The following LCP1 variants were observed in gnomAD, a reference collection of about 807,000 sequenced individuals.
LCP1 encodes the protein lymphocyte cytosolic protein 1.
LCP1 carries 23 observed loss-of-function variants against 72.0 expected under a neutral mutation model. That is an observed-to-expected ratio of 0.32 (90% CI 0.23 to 0.45). The LOEUF (loss-of-function observed/expected upper bound fraction) is 0.45. Ranked by LOEUF, LCP1 falls within the 20% of genes least tolerant of loss-of-function variation. The pLI, the probability that LCP1 is intolerant of heterozygous loss-of-function variation, is 1.00. For synonymous variants in LCP1, 245 were observed against 275.4 expected, an observed-to-expected ratio of 0.89 and a Z score of 1.09; for missense variants, 571 against 748.3, an observed-to-expected ratio of 0.76 and a Z score of 2.76.
At chr13:46,174,093 A>C (rs763574028) in intron 1 of LCP1, among the ~76,000 whole-genome samples, 1 of 152,328 alleles carries the variant, frequency 6.6e-6, no homozygotes, top group East Asian at 1.9e-4. Flanking sequence ...GAGCTGAAAA[A>C]CAGTGAGACA....
chr13:46,150,787 C>T (rs1221227891), intron 8 of LCP1, 149 bp downstream of exon 8: 1 of 825,582 alleles, frequency 1.2e-6, no homozygotes, highest in Non-Finnish European at 1.9e-6. Context: ...CAGATGGGCT[C>T]TCAAGGACAG....
In LCP1 at chr13:46,153,741, C is replaced by T. The variant is rs144226199; in HGVS notation, c.574-796G>A. ...AGAAAACGAAAATGAAAAATAGATA[C>T]GATTAAAATTCCTGGAAAAGATGGA... is the stretch of plus-strand genomic sequence containing the variant. On this transcript the variant is annotated intron_variant, in intron 6 of 15. Coordinates refer to ENST00000323076, the MANE Select transcript of LCP1 (RefSeq NM_002298.5). Among the ~76,000 whole-genome samples, 351 of 150,640 alleles carry T rather than the reference C, an allele frequency of 2.3e-3. 1 individual carries two copies. Among genetic ancestry groups the T allele is most frequent in the African/African-American group, 8.3e-3 (341 of 41,118 alleles).
chr13:46,172,467 G>A (rs1162464669), intron 1 of LCP1, among the ~76,000 whole-genome samples: 2 of 152,138 alleles, frequency 1.3e-5, no homozygotes, highest in Admixed American at 6.5e-5. Context: ...CTGGGCCACA[G>A]AGCAAGGCTC....
chr13:46,142,151 A>G (rs1346150914), intron 13 of LCP1, 141 bp downstream of exon 13: 1 of 823,094 alleles, frequency 1.2e-6, no homozygotes. Flanking sequence ...AAAAGCAGAA[A>G]GGTAAAAAGT....
chr13:46,136,413 G>T (rs1386830384), intron 13 of LCP1, among the ~76,000 whole-genome samples: 1 of 152,190 alleles, frequency 6.6e-6, no homozygotes, highest in Non-Finnish European at 1.5e-5. Flanking sequence ...TCAGAGGTTA[G>T]CAGACTGCCT....
At chr13:46,156,697 T>C (rs2045803446) in intron 4 of LCP1, 127 bp from the exon 5 acceptor site, 2 of 997,308 alleles carry the variant, frequency 2.0e-6, no homozygotes, top group South Asian at 2.8e-5. Context: ...CATTATCTTA[T>C]CATCTCATAT....
intron 8 of LCP1, among the ~76,000 whole-genome samples, chr13:46,149,278 C>T (rs1466956044): frequency 6.6e-6 from 1 of 152,132 alleles, no homozygotes; most frequent in African/African-American, 2.4e-5. Context: ...GAGGTATGCT[C>T]ACCACTTTTG....
chr13:46,141,421 A>G (rs1161183906), intron 13 of LCP1, among the ~76,000 whole-genome samples: 4 of 150,810 alleles, frequency 2.7e-5, no homozygotes, highest in Non-Finnish European at 4.4e-5. Flanking sequence ...AAAAAAAAAA[A>G]AAAAAGAAAC....
chr13:46,152,663 C>A, intron 7 of LCP1, 117 bp downstream of exon 7: 1 of 991,502 alleles, frequency 1.0e-6, no homozygotes, highest in Non-Finnish European at 1.5e-6. Flanking sequence ...ACCATGGAAT[C>A]AATATAACTG....
intron 12 of LCP1, 29 bp downstream of exon 12, chr13:46,143,261 C>A (rs2045708993): frequency 1.3e-6 from 2 of 1,519,408 alleles, no homozygotes; most frequent in South Asian, 2.2e-5. Flanking sequence ...TTGCCTGTCT[C>A]CTGGAACAAC....
intron 1 of LCP1, among the ~76,000 whole-genome samples, chr13:46,172,264 A>C (rs2138281552): frequency 6.6e-6 from 1 of 152,264 alleles, no homozygotes; most frequent in Admixed American, 6.5e-5. Flanking sequence ...TGGGTGGATC[A>C]CCTGAGGTCA....
At chr13:46,149,740 G>A (rs1033731923) in intron 8 of LCP1, among the ~76,000 whole-genome samples, 1 of 152,124 alleles carries the variant, frequency 6.6e-6, no homozygotes. Flanking sequence ...ACAAAATGGT[G>A]GTTCTAGAGA....
At chr13:46,164,167 G>T (rs187620569) in intron 1 of LCP1, among the ~76,000 whole-genome samples, 116 of 152,306 alleles carry the variant, frequency 7.6e-4, no homozygotes, top group African/African-American at 2.7e-3. Flanking sequence ...CTTGACACAA[G>T]AATGTTAGAT....
chr13:46,165,506 C>T (rs887257607), intron 1 of LCP1, among the ~76,000 whole-genome samples: 1 of 152,138 alleles, frequency 6.6e-6, no homozygotes, highest in Admixed American at 6.5e-5. Context: ...TTGCAAATTA[C>T]TGGCACCATA....
chr13:46,156,575 A>C lies in LCP1; in HGVS notation c.359-5T>G. 6.2e-7 allele frequency: 1 copy of C among 1,614,158 alleles called. No individual in the cohort carries two copies. The highest frequency in any genetic ancestry group is 8.5e-7 in the Non-Finnish European group (1 of 1,180,010). ...CAAAGGCATACTTTTCTTCCTCTGCAAGTAAATGATTAAAGTGACTCATTT... is the reference window on the plus strand; with the variant it reads ...CAAAGGCATACTTTTCTTCCTCTGCCAGTAAATGATTAAAGTGACTCATTT... On this transcript the variant is annotated splice_region_variant and splice_polypyrimidine_tract_variant and intron_variant, in intron 4 of 15. Transcript: ENST00000323076.
At chr13:46,144,753 G>C (rs887663146) in intron 10 of LCP1, among the ~76,000 whole-genome samples, 2 of 152,148 alleles carry the variant, frequency 1.3e-5, no homozygotes, top group African/African-American at 4.8e-5. Context: ...AATCCTGTGT[G>C]GGGTAGCTGT....
At chr13:46,176,865 G>A (rs546419681) in intron 1 of LCP1, among the ~76,000 whole-genome samples, 69 of 147,204 alleles carry the variant, frequency 4.7e-4, no homozygotes, top group Admixed American at 1.8e-3. Flanking sequence ...TTCCGTGTAT[G>A]TGTGTTTATT....
At chr13:46,136,758 A>G (rs2045667490) in intron 13 of LCP1, among the ~76,000 whole-genome samples, 1 of 152,226 alleles carries the variant, frequency 6.6e-6, no homozygotes, top group Non-Finnish European at 1.5e-5. Context: ...TGAATTAAAA[A>G]AAAGGTAGGT....
At chr13:46,156,405 T>C in intron 5 of LCP1, 33 bp downstream of exon 5, 1 of 1,606,764 alleles carries the variant, frequency 6.2e-7, no homozygotes, top group Non-Finnish European at 8.5e-7. Context: ...AAATGGGCAA[T>C]TCTTTGGAAA....
Sources: gnomAD v4.1 joint callset for allele counts (sites outside exome capture counted in the v4.1 genomes callset) on GRCh38, gnomAD v4.1.1 for gene constraint, MANE v1.5 for transcripts, NCBI Gene and HGNC (gene_info 2026-07-23, HGNC 2026-07-21) for gene names.